Variants in ATXN7L1 observed in about 807,000 individuals in gnomAD.
The protein encoded by ATXN7L1 is ataxin 7 like 1, also known as ataxin-7-like protein 1.
A neutral mutation model predicts 70.8 loss-of-function variants in ATXN7L1; 15 were observed. The observed-to-expected ratio is 0.21, with a 90% CI of 0.14 to 0.33. The LOEUF (loss-of-function observed/expected upper bound fraction) is 0.33, where lower values mean the gene tolerates loss of function less well. ATXN7L1 is among the 10% of genes least tolerant of loss of function. The probability of loss-of-function intolerance (pLI) is 1.00; values close to 1 mark genes in which losing one functional copy is unlikely to be tolerated. For synonymous variants in ATXN7L1, 440 were observed against 445.1 expected (o/e 0.99, Z 0.14); for missense variants, 975 against 1,097.1 (o/e 0.89, Z 1.57).
intron 4 of ATXN7L1, among the ~76,000 whole-genome samples, chr7:105,650,161 G>C (rs1380212469): frequency 6.6e-6 from 1 of 152,202 alleles, no homozygotes; most frequent in Non-Finnish European, 1.5e-5. Flanking sequence ...GGAGATTCTA[G>C]AAGTCTGAGG....
chr7:105,874,123 CAAAAAA>C (rs766696244), intron 2 of ATXN7L1, among the ~76,000 whole-genome samples: 2,189 of 71,974 alleles, frequency 0.03, 44 homozygotes, highest in African/African-American at 0.094. Context: ...GAATCCGTAT[CAAAAAA>C]AAAAAAAAAA....
intron 2 of ATXN7L1, among the ~76,000 whole-genome samples, chr7:105,797,198 C>G (rs1806121471): frequency 6.6e-6 from 1 of 152,240 alleles, no homozygotes; most frequent in South Asian, 2.1e-4. Context: ...TGGCCTCTTC[C>G]TGCCACGGCT....
intron 3 of ATXN7L1, among the ~76,000 whole-genome samples, chr7:105,770,286 GCT>G (rs1477345063): frequency 5.3e-5 from 8 of 152,210 alleles, no homozygotes; most frequent in African/African-American, 1.9e-4. Flanking sequence ...TACATACAAT[GCT>G]TTACTCAGCG....
chr7:105,867,943 G>A (rs1349607253), intron 2 of ATXN7L1, among the ~76,000 whole-genome samples: 2 of 152,166 alleles, frequency 1.3e-5, no homozygotes, highest in African/African-American at 2.4e-5. Flanking sequence ...ACAGGACAGC[G>A]CCCCCAAAAA....
chr7:105,655,276 G>A (rs531906605), intron 4 of ATXN7L1, among the ~76,000 whole-genome samples: 2 of 152,090 alleles, frequency 1.3e-5, no homozygotes, highest in Admixed American at 6.5e-5. Flanking sequence ...GCCCCCAGCC[G>A]CAGCCCCCAC....
intron 3 of ATXN7L1, among the ~76,000 whole-genome samples, chr7:105,766,670 G>A (rs1018182108): frequency 6.6e-6 from 1 of 152,176 alleles, no homozygotes; most frequent in Non-Finnish European, 1.5e-5. Context: ...GAGAAGTGAC[G>A]GCTCCAAGGG....
At chr7:105,707,258 A>C (rs1793298627) in intron 3 of ATXN7L1, among the ~76,000 whole-genome samples, 1 of 152,184 alleles carries the variant, frequency 6.6e-6, no homozygotes, top group Non-Finnish European at 1.5e-5. Context: ...AGGGAGTTAG[A>C]CAGCACACAT....
At chr7:105,692,050 T>C (rs919870674) in intron 3 of ATXN7L1, among the ~76,000 whole-genome samples, 6 of 151,832 alleles carry the variant, frequency 4.0e-5, no homozygotes, top group Non-Finnish European at 5.9e-5. Context: ...GAACTTAAAT[T>C]ACAAAAGCAA....
At chr7:105,745,929 G>C (rs915510176) in intron 3 of ATXN7L1, among the ~76,000 whole-genome samples, 10 of 152,172 alleles carry the variant, frequency 6.6e-5, no homozygotes, top group Admixed American at 5.9e-4. Context: ...CTTGAACATT[G>C]ACTCAGCACC....
intron 3 of ATXN7L1, among the ~76,000 whole-genome samples, chr7:105,721,897 C>G (rs1324250470): frequency 6.6e-6 from 1 of 152,208 alleles, no homozygotes; most frequent in Non-Finnish European, 1.5e-5. Flanking sequence ...ATAGGGTAGC[C>G]TAATTGAAAT....
Position 105,638,379 on chromosome 7 carries a change from G to GGGT in ATXN7L1, c.1175_1176insACC (p.Ser392_Arg393insPro). 1.3e-6 allele frequency: 2 copies of GGGT among 1,551,994 alleles called. No homozygotes were observed. Among genetic ancestry groups the GGGT allele is most frequent in the Non-Finnish European group, 1.7e-6 (2 of 1,147,036 alleles). On this transcript the variant is annotated inframe_insertion, in exon 7 of 12. Transcript: ENST00000419735. Reference sequence around the variant, plus strand: ...TAGGAAGTACAGAGTTGGGTGGTCTGGATTTTGCAGGGGATGCAACTTTTG... The same window carrying GGGT: ...TAGGAAGTACAGAGTTGGGTGGTCTGGGTGATTTTGCAGGGGATGCAACTTTTG...
At chr7:105,624,580 G>A (rs1341174090) in intron 7 of ATXN7L1, among the ~76,000 whole-genome samples, 1 of 151,446 alleles carries the variant, frequency 6.6e-6, no homozygotes, top group Non-Finnish European at 1.5e-5. Flanking sequence ...AACCCGGGAG[G>A]TGGAGGTTGC....
At chr7:105,845,326 A>C (rs1217874751) in intron 2 of ATXN7L1, among the ~76,000 whole-genome samples, 1 of 151,988 alleles carries the variant, frequency 6.6e-6, no homozygotes, top group Admixed American at 6.6e-5. Context: ...TAAAATACTT[A>C]CCAATAAGTT....
intron 4 of ATXN7L1, among the ~76,000 whole-genome samples, chr7:105,645,522 C>T (rs553692841): frequency 5.3e-5 from 8 of 150,996 alleles, no homozygotes; most frequent in Non-Finnish European, 8.8e-5. Flanking sequence ...ATTGGCCACA[C>T]GTGGTGGCTC....
chr7:105,816,634 T>A (rs1325344254), intron 2 of ATXN7L1, among the ~76,000 whole-genome samples: 1 of 152,212 alleles, frequency 6.6e-6, no homozygotes, highest in African/African-American at 2.4e-5. Context: ...CGCTGCCACC[T>A]TCACCATACC....
chr7:105,640,182 G>A (rs1470316853), intron 5 of ATXN7L1, among the ~76,000 whole-genome samples: 1 of 152,244 alleles, frequency 6.6e-6, no homozygotes, highest in African/African-American at 2.4e-5. Context: ...ACCTGATTGA[G>A]GGGCACTCTA....
chr7:105,641,328 GT>G (rs34503805), intron 5 of ATXN7L1, among the ~76,000 whole-genome samples: 4 of 123,126 alleles, frequency 3.2e-5, no homozygotes, highest in Non-Finnish European at 5.3e-5. Context: ...CTGGTGTGGT[GT>G]TTTTTTTTTG....
intron 2 of ATXN7L1, among the ~76,000 whole-genome samples, chr7:105,816,335 T>C (rs1271795261): frequency 6.6e-6 from 1 of 152,190 alleles, no homozygotes; most frequent in Non-Finnish European, 1.5e-5. Flanking sequence ...TAGAAAACTC[T>C]GAGAGAAAAC....
intron 2 of ATXN7L1, among the ~76,000 whole-genome samples, chr7:105,844,046 C>T (rs540732521): frequency 2.9e-3 from 436 of 152,236 alleles, no homozygotes; most frequent in African/African-American, 9.5e-3. Flanking sequence ...TTGGTGTCAG[C>T]GAGGGATGTT....
Sources: allele counts gnomAD v4.1 joint callset (sites outside exome capture counted in the v4.1 genomes callset), GRCh38; gene constraint gnomAD v4.1.1; transcripts MANE v1.5; gene names NCBI Gene and HGNC (gene_info 2026-07-23, HGNC 2026-07-21).